Variants in FANCA observed in about 807,000 individuals in gnomAD.
FANCA encodes the protein FA complementation group A.
A neutral mutation model predicts 194.3 loss-of-function variants in FANCA; 236 were observed. The ratio of observed to expected loss-of-function variants is 1.21; its 90% CI spans 1.09 to 1.35. The LOEUF (loss-of-function observed/expected upper bound fraction) is 1.35. Among genes scored for constraint, FANCA ranks in the 40% most tolerant of loss-of-function variants. The probability of loss-of-function intolerance (pLI) is 0.00; values close to 1 mark genes in which losing one functional copy is unlikely to be tolerated. For synonymous variants in FANCA, 1,014 were observed against 715.8 expected (o/e 1.42, Z -6.65); for missense variants, 2,628 against 1,813.9 (o/e 1.45, Z -8.15).
intron 17 of FANCA, among the ~76,000 whole-genome samples, chr16:89,781,946 G>C (rs1037683477): frequency 6.7e-6 from 1 of 150,196 alleles, no homozygotes; most frequent in Non-Finnish European, 1.5e-5. Context: ...GGCAGAGCTT[G>C]CAGTGAGCCG....
intron 36 of FANCA, among the ~76,000 whole-genome samples, 200 bp from the exon 37 acceptor site, chr16:89,743,138 C>G (rs1351340492): frequency 6.6e-6 from 1 of 152,202 alleles, no homozygotes; most frequent in East Asian, 1.9e-4. Context: ...GTGCTGCCCC[C>G]ACAGCATCCT....
rs765253777 is a variant in FANCA, at chr16:89,791,559, T to C, written c.1226-23A>G. 2.5e-6 allele frequency: 4 copies of C among 1,613,498 alleles called. No individual in the cohort carries two copies. In the South Asian group the frequency reaches 3.3e-5, roughly 13 times the overall value. On this transcript the variant is annotated intron_variant, in intron 13 of 42. Transcript: ENST00000389301. ...AGTCTAGTTAAGAACCATGACATAGTCACAGCAAGGCAAGGGCAGCCAGCA... is the reference window on the plus strand; with the variant it reads ...AGTCTAGTTAAGAACCATGACATAGCCACAGCAAGGCAAGGGCAGCCAGCA...
chr16:89,771,554 C>A (rs1013263975), intron 23 of FANCA, 124 bp downstream of exon 23: 87 of 1,128,082 alleles, frequency 7.7e-5, no homozygotes, highest in Non-Finnish European at 1.0e-4. Flanking sequence ...GGCCCTGGAA[C>A]ATCTGATACG....
intron 5 of FANCA, among the ~76,000 whole-genome samples, chr16:89,808,969 C>G (rs11645893): frequency 0.71 from 107,649 of 150,768 alleles, 40,307 homozygotes; most frequent in East Asian, 1. Flanking sequence ...GCAGTGGCGC[C>G]ATCTCGGGTC....
rs753393669 is a variant in FANCA at position 89,767,184 on chromosome 16, C to T, written c.2558G>A (p.Arg853Gln). The change falls in exon 27 of 43, where the codon CGA becomes CAA. Residue 853 changes from arginine to glutamine, a missense_variant. Coordinates refer to ENST00000389301, the MANE Select transcript of FANCA (RefSeq NM_000135.4). The stretch of plus-strand genomic sequence containing the variant: ...AGATAAGCAGCTGCACAAAGTATCT[C>T]GTGACTGGGAAGAAAACTTGCAGAG... Reference protein sequence around the residue: ...YSLCKFSSQSRDTLCSCLSPG... With the variant: ...YSLCKFSSQSQDTLCSCLSPG... 8.7e-6 allele frequency: 14 copies of T among 1,613,824 alleles called. No individual in the cohort carries two copies. Among genetic ancestry groups the T allele is most frequent in the East Asian group, 4.5e-5 (2 of 44,902 alleles).
At position 89,764,884 on chromosome 16, in the gene FANCA, A is replaced by G; in HGVS notation, c.2778+6T>C. 1 of 1,613,800 alleles carries G rather than the reference A, an allele frequency of 6.2e-7. No individual in the cohort carries two copies. Among genetic ancestry groups the G allele is most frequent in the East Asian group, 2.2e-5 (1 of 44,866 alleles). ...GCATGATGCAGGAGAAGGAACGGTC[A>G]CCTACGTGAACATCTTCCTCTTTCA... On this transcript the variant is annotated splice_donor_region_variant and intron_variant, in intron 28 of 42. Transcript: ENST00000389301.
At chr16:89,748,609 C>T (rs750244051) in intron 33 of FANCA, 50 bp downstream of exon 33, 18 of 1,392,922 alleles carry the variant, frequency 1.3e-5, no homozygotes, top group South Asian at 1.2e-4. Context: ...CTGCTGTTAG[C>T]GCCACAGGCA....
At chr16:89,778,010 A>G (rs949118238) in intron 20 of FANCA, among the ~76,000 whole-genome samples, 1 of 151,992 alleles carries the variant, frequency 6.6e-6, no homozygotes, top group African/African-American at 2.4e-5. Flanking sequence ...AAAAATACAA[A>G]AATTAGCCGG....
At chr16:89,808,156 T>C (rs1474370956) in intron 6 of FANCA, 138 bp downstream of exon 6, 11 of 784,828 alleles carry the variant, frequency 1.4e-5, no homozygotes, top group Admixed American at 7.5e-5. Flanking sequence ...CTAGTATAAA[T>C]ATGCAATGCA....
chr16:89,739,029 G>C (rs1023409042), intron 41 of FANCA, 55 bp from the exon 42 acceptor site: 2 of 1,614,000 alleles, frequency 1.2e-6, no homozygotes, highest in African/African-American at 2.7e-5. Flanking sequence ...AACAGGGCTG[G>C]TGTGTCCCCC....
intron 3 of FANCA, among the ~76,000 whole-genome samples, chr16:89,812,811 G>A (rs926845790): frequency 2.0e-5 from 3 of 151,612 alleles, no homozygotes; most frequent in South Asian, 2.1e-4. Context: ...GAGGCGGGTC[G>A]ATCACGAGGT....
intron 39 of FANCA, 32 bp from the exon 40 acceptor site, chr16:89,739,585 T>C (rs2062072661): frequency 1.3e-6 from 2 of 1,547,310 alleles, no homozygotes; most frequent in Non-Finnish European, 1.7e-6. Flanking sequence ...CAGGCAACTC[T>C]GGACATCTCT....
intron 11 of FANCA, 154 bp from the exon 12 acceptor site, chr16:89,792,701 C>T: frequency 1.5e-6 from 1 of 665,470 alleles, no homozygotes; most frequent in Non-Finnish European, 2.7e-6. Context: ...AGATAAAAGA[C>T]AAGACAGCTG....
At chr16:89,797,312 C>T (rs1225952349) in intron 10 of FANCA, among the ~76,000 whole-genome samples, 1 of 152,050 alleles carries the variant, frequency 6.6e-6, no homozygotes, top group Non-Finnish European at 1.5e-5. Context: ...GCCTGGGCGA[C>T]ACAGTGAGAC....
intron 11 of FANCA, among the ~76,000 whole-genome samples, chr16:89,795,304 A>C (rs182281255): frequency 6.6e-6 from 1 of 150,906 alleles, no homozygotes; most frequent in Admixed American, 6.6e-5. Context: ...ATAAATAAAT[A>C]AATAAATAAA....
chr16:89,764,539 C>G, intron 28 of FANCA, among the ~76,000 whole-genome samples: 1 of 152,262 alleles, frequency 6.6e-6, no homozygotes, highest in South Asian at 2.1e-4. Context: ...CTCCTGAGTT[C>G]AGGTGATCAA....
chr16:89,739,926 A>G (rs2062085311), intron 39 of FANCA, 68 bp downstream of exon 39: 1 of 1,604,614 alleles, frequency 6.2e-7, no homozygotes, highest in Admixed American at 1.7e-5. Flanking sequence ...GCTCGTTCTT[A>G]ACCATTTGCA....
chr16:89,738,160 C>T lies in FANCA; in HGVS notation c.*441G>A. 1 of 1,613,396 alleles carries T rather than the reference C, an allele frequency of 6.2e-7. No individual in the cohort carries two copies. On this transcript the variant is annotated 3_prime_UTR_variant, in exon 43 of 43. Coordinates refer to ENST00000389301, the MANE Select transcript of FANCA (RefSeq NM_000135.4). The stretch of plus-strand genomic sequence containing the variant: ...GCTGACACAGACCCAGGACAAGGCC[C>T]TGCCCCTGGAGGCGGAACCACCACC...
At chr16:89,806,270 C>G (rs769534913) in intron 6 of FANCA, among the ~76,000 whole-genome samples, 2 of 151,932 alleles carry the variant, frequency 1.3e-5, no homozygotes, top group Non-Finnish European at 2.9e-5. Flanking sequence ...TACGAATACA[C>G]ACTCTGCTAC....
Sources: gnomAD v4.1 joint callset for allele counts (sites outside exome capture counted in the v4.1 genomes callset) on GRCh38, gnomAD v4.1.1 for gene constraint, MANE v1.5 for transcripts, NCBI Gene and HGNC (gene_info 2026-07-23, HGNC 2026-07-21) for gene names.